Variants in MSRA observed in about 807,000 individuals in gnomAD.
MSRA encodes mitochondrial peptide methionine sulfoxide reductase.
A neutral mutation model predicts 31.3 loss-of-function variants in MSRA; 54 were observed. That is an observed-to-expected ratio of 1.73 (90% CI 1.39 to 2.17). The LOEUF is 2.17. Among genes scored for constraint, MSRA ranks in the 30% most tolerant of loss-of-function variants. The pLI is 0.00. For missense variants in MSRA, 507 were observed against 300.9 expected (o/e 1.69, Z -5.07); for synonymous variants, 169 against 116.5 (o/e 1.45, Z -2.90).
intron 5 of MSRA, among the ~76,000 whole-genome samples, chr8:10,417,835 G>A (rs1385437539): frequency 6.9e-6 from 1 of 145,470 alleles, no homozygotes; most frequent in Non-Finnish European, 1.5e-5. Flanking sequence ...ATTTGATGGA[G>A]TGGATGTGGA....
At position 10,207,815 on chromosome 8, in the gene MSRA, CTTTT is replaced by C; in HGVS notation, c.143-8_143-5del. On this transcript the variant is annotated splice_polypyrimidine_tract_variant and intron_variant, in intron 1 of 5. Transcript: ENST00000317173. The stretch of plus-strand genomic sequence containing the variant: ...GAACTTTACACTTAAACTTGCATTT[CTTTT>C]TTTTTTTTTCTAGCCAAACATCATG... 7.7e-6 allele frequency: 10 copies of C among 1,301,338 alleles called. No homozygotes were observed. The highest frequency in any genetic ancestry group is 6.3e-6 in the Non-Finnish European group (6 of 944,952). 80.6% of individuals were successfully genotyped at this position (1,301,338 alleles called of 1,614,324 possible).
rs547407022 is a variant in MSRA at position 10,307,201 on chromosome 8, C to G, written c.436+5563C>G. ...TTTTTTTTTTTGAGACATGGTCTTG[C>G]TCTGTCACCTAGGCTGGAGTGCAGT... is the stretch of plus-strand genomic sequence containing the variant. On this transcript the variant is annotated intron_variant, in intron 4 of 5. Coordinates refer to ENST00000317173, the MANE Select transcript of MSRA (RefSeq NM_012331.5). Among the ~76,000 whole-genome samples the G allele has an allele frequency of 2.0e-5, 3 of 147,330 alleles. No homozygotes were observed. In the East Asian group the frequency reaches 6.0e-4, roughly 29 times the overall value.
chr8:10,337,835 G>A (rs750673655), intron 5 of MSRA: 1 of 702,140 alleles, frequency 1.4e-6, no homozygotes, highest in South Asian at 1.5e-5. Context: ...GCAGCAAGGT[G>A]CCTTCTTTCT....
chr8:10,141,827 GA>G (rs1802736295), intron 1 of MSRA, among the ~76,000 whole-genome samples: 1 of 152,096 alleles, frequency 6.6e-6, no homozygotes, highest in Non-Finnish European at 1.5e-5. Context: ...TTTGCCAGGT[GA>G]AAATGGGGTT....
At chr8:10,166,563 G>A (rs1302267263) in intron 1 of MSRA, among the ~76,000 whole-genome samples, 4 of 152,118 alleles carry the variant, frequency 2.6e-5, no homozygotes, top group Non-Finnish European at 4.4e-5. Context: ...GGGGTTGTTT[G>A]TGTATGCATG....
At chr8:10,337,755 C>T in intron 5 of MSRA, 1 of 702,666 alleles carries the variant, frequency 1.4e-6, no homozygotes, top group Non-Finnish European at 2.6e-6. Context: ...CTCACTGCAG[C>T]CTCCTCTGCT....
intron 5 of MSRA, among the ~76,000 whole-genome samples, chr8:10,346,178 A>G (rs929364563): frequency 6.6e-6 from 1 of 152,178 alleles, no homozygotes; most frequent in Admixed American, 6.5e-5. Flanking sequence ...AGGCTGAGTG[A>G]CTTGGGGTCC....
chr8:10,360,097 C>G (rs1000217256), intron 5 of MSRA, among the ~76,000 whole-genome samples: 15 of 152,220 alleles, frequency 9.9e-5, no homozygotes, highest in African/African-American at 3.6e-4. Flanking sequence ...CCTCTTCACC[C>G]AGGCCTCGTA....
At chr8:10,417,487 G>A (rs545873630) in intron 5 of MSRA, among the ~76,000 whole-genome samples, 79 of 150,728 alleles carry the variant, frequency 5.2e-4, no homozygotes, top group Non-Finnish European at 1.0e-4. Flanking sequence ...CAGCCAGTCA[G>A]TGCCCAGTCA....
chr8:10,418,205 G>A (rs1563459023), intron 5 of MSRA, among the ~76,000 whole-genome samples: 1 of 152,222 alleles, frequency 6.6e-6, no homozygotes, highest in Non-Finnish European at 1.5e-5. Flanking sequence ...TTCCTTTGGT[G>A]GGTGTAGGGG....
intron 1 of MSRA, among the ~76,000 whole-genome samples, chr8:10,134,167 A>T (rs1043671266): frequency 1.3e-5 from 2 of 152,166 alleles, no homozygotes; most frequent in Admixed American, 1.3e-4. Context: ...GTGGTGATAA[A>T]TTATGAAATG....
intron 1 of MSRA, among the ~76,000 whole-genome samples, chr8:10,154,356 A>G (rs1803968328): frequency 6.6e-6 from 1 of 151,240 alleles, no homozygotes; most frequent in Non-Finnish European, 1.5e-5. Context: ...TGAAGGACAC[A>G]TTTGTGGTTT....
intron 1 of MSRA, among the ~76,000 whole-genome samples, chr8:10,083,196 A>G (rs1030495536): frequency 1.3e-5 from 2 of 152,214 alleles, no homozygotes; most frequent in Non-Finnish European, 2.9e-5. Context: ...AAAGGGCCCA[A>G]AAGATTATGA....
intron 1 of MSRA, among the ~76,000 whole-genome samples, chr8:10,151,933 A>G (rs1803716009): frequency 2.6e-5 from 4 of 152,244 alleles, no homozygotes; most frequent in Non-Finnish European, 4.4e-5. Context: ...TTAGAAGGTC[A>G]GTGTCTCACC....
At chr8:10,110,510 C>G (rs1368124227) in intron 1 of MSRA, among the ~76,000 whole-genome samples, 1 of 152,184 alleles carries the variant, frequency 6.6e-6, no homozygotes, top group Admixed American at 6.5e-5. Context: ...ACCACCGCTT[C>G]CTATTTGTGT....
At chr8:10,428,037 A>T (rs1585762748) in intron 5 of MSRA, 111 bp from the exon 6 acceptor site, 1 of 1,201,780 alleles carries the variant, frequency 8.3e-7, no homozygotes, top group African/African-American at 1.5e-5. Context: ...GACCCACTGC[A>T]CATCCCAAGC....
chr8:10,217,485 A>G (rs538674383), intron 2 of MSRA, among the ~76,000 whole-genome samples: 8 of 152,368 alleles, frequency 5.3e-5, no homozygotes, highest in Non-Finnish European at 1.2e-4. Flanking sequence ...TTTTCTGTCA[A>G]TATCATTTCT....
At chr8:10,231,251 C>T (rs1811450025) in intron 2 of MSRA, among the ~76,000 whole-genome samples, 1 of 152,074 alleles carries the variant, frequency 6.6e-6, no homozygotes, top group African/African-American at 2.4e-5. Context: ...AGGCTGCTGT[C>T]ACCGTCTAGC....
chr8:10,256,967 A>G lies in MSRA; in HGVS notation c.331+11744A>G, dbSNP rs186039879. Among the ~76,000 whole-genome samples, 141 of 152,240 alleles carry G rather than the reference A, an allele frequency of 9.3e-4. 1 individual carries two copies. Among genetic ancestry groups the G allele is most frequent in the Admixed American group, 8.3e-3 (127 of 15,292 alleles). On this transcript the variant is annotated intron_variant, in intron 3 of 5. Transcript: ENST00000317173. ...TGTTTATCTTCTAGGCTTTTTATAC[A>G]TTTCTTTCCTTCATAATAGCTCAGT...
Sources: allele counts gnomAD v4.1 joint callset (sites outside exome capture counted in the v4.1 genomes callset), GRCh38; gene constraint gnomAD v4.1.1; transcripts MANE v1.5; gene names NCBI Gene and HGNC (gene_info 2026-07-23, HGNC 2026-07-21).